PLCB1: variants seen among roughly 807,000 people sequenced by gnomAD.
PLCB1 encodes phospholipase C beta 1, also known as 1-phosphatidylinositol 4,5-bisphosphate phosphodiesterase beta-1.
Under a neutral mutation model 161.8 loss-of-function variants are expected in PLCB1, and 46 were observed. The ratio of observed to expected loss-of-function variants is 0.28; its 90% CI spans 0.22 to 0.36. The LOEUF (loss-of-function observed/expected upper bound fraction) is 0.36, where lower values mean the gene tolerates loss of function less well. Ranked by LOEUF, PLCB1 falls within the 10% of genes least tolerant of loss-of-function variation. The probability of loss-of-function intolerance (pLI) is 1.00; values close to 1 mark genes in which losing one functional copy is unlikely to be tolerated. For synonymous variants in PLCB1, 517 were observed against 503.7 expected (o/e 1.03, Z -0.35); for missense variants, 1,016 against 1,472.5 (o/e 0.69, Z 5.07).
At chr20:8,505,725 AAG>A (rs1297519060) in intron 3 of PLCB1, among the ~76,000 whole-genome samples, 1 of 152,246 alleles carries the variant, frequency 6.6e-6, no homozygotes, top group Non-Finnish European at 1.5e-5. Context: ...TAGCATTTAA[AAG>A]AGAGAAGAGG....
chr20:8,330,195 G>A (rs950898413), intron 2 of PLCB1, among the ~76,000 whole-genome samples: 6 of 152,082 alleles, frequency 3.9e-5, no homozygotes, highest in South Asian at 2.1e-4. Context: ...ATCACGTGCC[G>A]GGCCTTGTTC....
At chr20:8,300,088 G>A (rs1258812252) in intron 2 of PLCB1, among the ~76,000 whole-genome samples, 1 of 152,152 alleles carries the variant, frequency 6.6e-6, no homozygotes, top group South Asian at 2.1e-4. Context: ...GGATCATCGA[G>A]CTGCTGGCTG....
At chr20:8,138,239 C>T (rs2051368549) in intron 1 of PLCB1, among the ~76,000 whole-genome samples, 1 of 152,080 alleles carries the variant, frequency 6.6e-6, no homozygotes, top group Non-Finnish European at 1.5e-5. Flanking sequence ...AAAGTTTAGC[C>T]TATCAGTAAA....
chr20:8,480,568 G>A (rs1375166785), intron 3 of PLCB1, among the ~76,000 whole-genome samples: 1 of 152,132 alleles, frequency 6.6e-6, no homozygotes, highest in Non-Finnish European at 1.5e-5. Flanking sequence ...CCAATGAGGA[G>A]GGCTCTGTAA....
intron 3 of PLCB1, among the ~76,000 whole-genome samples, chr20:8,461,330 A>G (rs1172681138): frequency 6.6e-6 from 1 of 152,110 alleles, no homozygotes; most frequent in Admixed American, 6.6e-5. Context: ...AAAAGATTTG[A>G]CTTTGAAGCT....
At chr20:8,776,632 C>T (rs182198336) in intron 27 of PLCB1, among the ~76,000 whole-genome samples, 16 of 152,158 alleles carry the variant, frequency 1.1e-4, no homozygotes, top group Admixed American at 7.2e-4. Context: ...GCATTTTCAT[C>T]GCCTTAAAAA....
At chr20:8,766,465 A>G (rs1982321501) in intron 26 of PLCB1, among the ~76,000 whole-genome samples, 2 of 152,162 alleles carry the variant, frequency 1.3e-5, no homozygotes, top group South Asian at 4.1e-4. Context: ...CTCAGGCAGG[A>G]AAAAAATGTG....
chr20:8,360,002 T>G (rs1986485920), intron 2 of PLCB1, among the ~76,000 whole-genome samples: 1 of 152,184 alleles, frequency 6.6e-6, no homozygotes, highest in Non-Finnish European at 1.5e-5. Flanking sequence ...AAGTGATTTA[T>G]TAAGGAAGCT....
intron 3 of PLCB1, among the ~76,000 whole-genome samples, chr20:8,405,685 CT>C (rs1220747366): frequency 6.6e-6 from 1 of 152,170 alleles, no homozygotes; most frequent in Non-Finnish European, 1.5e-5. Flanking sequence ...CCCTGTTAGA[CT>C]TCAGCATATT....
At chr20:8,474,776 G>T (rs1248719290) in intron 3 of PLCB1, among the ~76,000 whole-genome samples, 1 of 152,258 alleles carries the variant, frequency 6.6e-6, no homozygotes, top group Admixed American at 6.5e-5. Context: ...TGGGTTCAGA[G>T]AATGGGGAAG....
chr20:8,773,139 C>G, intron 26 of PLCB1, among the ~76,000 whole-genome samples: 1 of 152,180 alleles, frequency 6.6e-6, no homozygotes, highest in South Asian at 2.1e-4. Context: ...TCAACCAACT[C>G]CCTTCCCCAT....
intron 3 of PLCB1, among the ~76,000 whole-genome samples, chr20:8,561,824 A>G (rs1175838560): frequency 6.6e-6 from 1 of 152,094 alleles, no homozygotes; most frequent in East Asian, 1.9e-4. Flanking sequence ...AGTCAAGCTG[A>G]CATTTAATAG....
At chr20:8,486,716 C>T (rs1242851079) in intron 3 of PLCB1, among the ~76,000 whole-genome samples, 2 of 151,320 alleles carry the variant, frequency 1.3e-5, no homozygotes, top group African/African-American at 2.4e-5. Flanking sequence ...AGGATGGTCT[C>T]GATCTCCTGA....
chr20:8,378,992 T>G (rs1025262688), intron 3 of PLCB1, among the ~76,000 whole-genome samples: 7 of 152,190 alleles, frequency 4.6e-5, no homozygotes, highest in African/African-American at 1.7e-4. Context: ...TAATTTTACT[T>G]TAATTTCTCG....
At chr20:8,877,119 T>G (rs1238552139) in intron 31 of PLCB1, among the ~76,000 whole-genome samples, 1 of 152,130 alleles carries the variant, frequency 6.6e-6, no homozygotes, top group African/African-American at 2.4e-5. Flanking sequence ...TTGCACAGAA[T>G]AGAAATTCAA....
At position 8,884,052 on chromosome 20, in the gene PLCB1, G is replaced by GACTT. The variant is rs1486683686; in HGVS notation, c.*2206_*2209dup. On this transcript the variant is annotated 3_prime_UTR_variant, in exon 32 of 32. Transcript: ENST00000338037. The stretch of plus-strand genomic sequence containing the variant: ...AGATAGAATAAAGTTGAATAACCTT[G>GACTT]ACTTACACAAAACTGTTTTGGTAGT... The GACTT allele has an allele frequency of 1.3e-5, 2 of 152,264 alleles. No individual in the cohort carries two copies. The highest frequency in any genetic ancestry group is 4.8e-5 in the African/African-American group (2 of 41,540). 9.4% of individuals were successfully genotyped at this position (152,264 alleles called of 1,614,324 possible). A position where few individuals can be genotyped will look rare whatever the true frequency, so the allele number is the denominator to read the frequency against.
chr20:8,832,421 A>C (rs560443249), intron 31 of PLCB1, among the ~76,000 whole-genome samples: 61 of 152,346 alleles, frequency 4.0e-4, no homozygotes, highest in African/African-American at 1.4e-3. Context: ...CCTGAACATC[A>C]GGGAAACGTG....
intron 3 of PLCB1, among the ~76,000 whole-genome samples, chr20:8,494,669 ACTT>A (rs1983085110): frequency 6.6e-6 from 1 of 151,716 alleles, no homozygotes; most frequent in Non-Finnish European, 1.5e-5. Context: ...GTCAATTTCT[ACTT>A]CTTTCTTCTT....
intron 29 of PLCB1, 38 bp from the exon 30 acceptor site, chr20:8,789,480 T>G: frequency 7.6e-7 from 1 of 1,317,040 alleles, no homozygotes; most frequent in Non-Finnish European, 1.1e-6. Flanking sequence ...CAATTCTGGA[T>G]GAATTGGTAT....
Sources: allele counts gnomAD v4.1 joint callset (sites outside exome capture counted in the v4.1 genomes callset), GRCh38; gene constraint gnomAD v4.1.1; transcripts MANE v1.5; gene names NCBI Gene and HGNC (gene_info 2026-07-23, HGNC 2026-07-21).